The following STPG2 variants were observed in gnomAD, a reference collection of about 807,000 sequenced individuals.
The protein encoded by STPG2 is sperm-tail PG-rich repeat-containing protein 2.
STPG2 carries 56 observed loss-of-function variants against 54.2 expected under a neutral mutation model. The observed-to-expected ratio is 1.03, with a 90% confidence interval of 0.83 to 1.29. STPG2 has a LOEUF of 1.29. Ranked by LOEUF, STPG2 falls within the 50% of genes most tolerant of loss-of-function variation. The probability of loss-of-function intolerance (pLI) is 0.00; values close to 1 mark genes in which losing one functional copy is unlikely to be tolerated. For missense variants in STPG2, 596 were observed against 544.9 expected (o/e 1.09, Z -0.93); for synonymous variants, 200 against 181.8 (o/e 1.10, Z -0.81).
intron 5 of STPG2, among the ~76,000 whole-genome samples, chr4:98,029,397 C>A (rs976464246): frequency 2.0e-5 from 3 of 152,092 alleles, no homozygotes; most frequent in Non-Finnish European, 4.4e-5. Context: ...CGTGTCTTCT[C>A]GATGATCTCT....
chr4:97,482,511 G>GA (rs915924366), intron 4 of STPG2, among the ~76,000 whole-genome samples: 1 of 151,256 alleles, frequency 6.6e-6, no homozygotes, highest in Non-Finnish European at 1.5e-5. Context: ...CATAGACAAA[G>GA]AAAAAATAAT....
intron 7 of STPG2, among the ~76,000 whole-genome samples, chr4:97,947,102 T>G (rs1328624314): frequency 6.6e-6 from 1 of 152,122 alleles, no homozygotes; most frequent in Non-Finnish European, 1.5e-5. Context: ...TGTAGAGATC[T>G]TTCACCTTGG....
chr4:98,063,563 T>C (rs1341681233), intron 5 of STPG2, among the ~76,000 whole-genome samples: 1 of 152,108 alleles, frequency 6.6e-6, no homozygotes, highest in Non-Finnish European at 1.5e-5. Context: ...AATCATAGAA[T>C]TGTACTTTTA....
intron 10 of STPG2, among the ~76,000 whole-genome samples, chr4:97,655,851 A>G (rs1722205516): frequency 6.6e-6 from 1 of 152,184 alleles, no homozygotes; most frequent in African/African-American, 2.4e-5. Flanking sequence ...ATACAAATAT[A>G]GACACTTTTA....
intron 3 of STPG2, among the ~76,000 whole-genome samples, chr4:98,111,862 G>A (rs1456300201): frequency 1.3e-5 from 2 of 152,044 alleles, no homozygotes; most frequent in African/African-American, 2.4e-5. Flanking sequence ...CTGGATCTGA[G>A]ATGCCCATCT....
At chr4:98,062,370 T>A (rs1202031747) in intron 5 of STPG2, among the ~76,000 whole-genome samples, 1 of 152,102 alleles carries the variant, frequency 6.6e-6, no homozygotes, top group Non-Finnish European at 1.5e-5. Context: ...TCCTAGGTGA[T>A]GAAATAATCT....
At chr4:97,710,702 T>C (rs1377575916) in intron 10 of STPG2, among the ~76,000 whole-genome samples, 5 of 151,994 alleles carry the variant, frequency 3.3e-5, no homozygotes, top group Admixed American at 6.6e-5. Context: ...AAGAACAAGT[T>C]AATAATAAAG....
intron 9 of STPG2, among the ~76,000 whole-genome samples, chr4:97,727,446 C>G (rs895368725): frequency 1.3e-5 from 2 of 151,736 alleles, no homozygotes; most frequent in Non-Finnish European, 3.0e-5. Flanking sequence ...AAGATGACAA[C>G]GTTTATTTTA....
intron 5 of STPG2, among the ~76,000 whole-genome samples, chr4:97,997,493 G>A (rs1380215804): frequency 1.8e-4 from 28 of 152,098 alleles, no homozygotes; most frequent in Admixed American, 1.8e-3. Context: ...CAGTACCAAG[G>A]GGGTGGTGCT....
intron 7 of STPG2, among the ~76,000 whole-genome samples, chr4:97,953,689 G>T (rs1276257337): frequency 1.3e-5 from 2 of 152,200 alleles, no homozygotes; most frequent in Non-Finnish European, 2.9e-5. Flanking sequence ...GAGTTAAGGT[G>T]TTCCCCCATG....
intron 9 of STPG2, among the ~76,000 whole-genome samples, chr4:97,715,991 T>C (rs1229735451): frequency 6.6e-6 from 1 of 151,964 alleles, no homozygotes; most frequent in African/African-American, 2.4e-5. Context: ...TTCAAACAAA[T>C]GTACAAGAAA....
intron 7 of STPG2, among the ~76,000 whole-genome samples, chr4:97,969,066 A>G (rs1734222436): frequency 6.6e-6 from 1 of 152,112 alleles, no homozygotes; most frequent in Non-Finnish European, 1.5e-5. Context: ...GGCTATAAAC[A>G]CCCTCATCTT....
chr4:97,640,516 G>A (rs1378438066), intron 10 of STPG2, among the ~76,000 whole-genome samples: 1 of 151,676 alleles, frequency 6.6e-6, no homozygotes, highest in East Asian at 1.9e-4. Flanking sequence ...TAAATCATAT[G>A]ATTTCATATT....
At chr4:97,476,991 C>T (rs983740029) in intron 4 of STPG2, among the ~76,000 whole-genome samples, 2 of 152,148 alleles carry the variant, frequency 1.3e-5, no homozygotes, top group Non-Finnish European at 2.9e-5. Context: ...GACAAAACCA[C>T]AGCCAGATTG....
chr4:98,060,504 C>T (rs191892960), intron 5 of STPG2, among the ~76,000 whole-genome samples: 8 of 152,234 alleles, frequency 5.3e-5, no homozygotes, highest in African/African-American at 1.9e-4. Context: ...AAGCAATTTA[C>T]AGATTCAATG....
chr4:98,133,366 T>C (rs1740052482), intron 2 of STPG2, among the ~76,000 whole-genome samples: 1 of 152,032 alleles, frequency 6.6e-6, no homozygotes, highest in Admixed American at 6.6e-5. Flanking sequence ...AAATAGCCCT[T>C]TTCACATGTC....
At chr4:97,873,073 T>C (rs1390780032) in intron 8 of STPG2, among the ~76,000 whole-genome samples, 1 of 151,372 alleles carries the variant, frequency 6.6e-6, no homozygotes, top group African/African-American at 2.4e-5. Flanking sequence ...ATAATACACA[T>C]ATACGTATGT....
chr4:97,448,396 C>T (rs1014184499), intron 4 of STPG2, among the ~76,000 whole-genome samples: 2 of 152,186 alleles, frequency 1.3e-5, no homozygotes, highest in Admixed American at 6.5e-5. Context: ...TGTGTCCCCA[C>T]CGAAATCTCA....
At chr4:98,042,357 T>A (rs1340692030) in intron 5 of STPG2, among the ~76,000 whole-genome samples, 1 of 151,872 alleles carries the variant, frequency 6.6e-6, no homozygotes, top group East Asian at 1.9e-4. Flanking sequence ...CTTTCTTTCC[T>A]TTTGCTAGCT....
Sources: gnomAD v4.1 joint callset for allele counts (sites outside exome capture counted in the v4.1 genomes callset) on GRCh38, gnomAD v4.1.1 for gene constraint, MANE v1.5 for transcripts, NCBI Gene and HGNC (gene_info 2026-07-23, HGNC 2026-07-21) for gene names.